CCDC178: variants seen among roughly 807,000 people sequenced by gnomAD.
The protein encoded by CCDC178 is coiled-coil domain-containing protein 178.
A neutral mutation model predicts 117.4 loss-of-function variants in CCDC178; 126 were observed. The ratio of observed to expected loss-of-function variants is 1.07; its 90% CI spans 0.93 to 1.24. CCDC178 has a LOEUF of 1.24. Among genes scored for constraint, CCDC178 ranks in the 50% most tolerant of loss-of-function variants. The pLI is 0.00. For synonymous variants in CCDC178, 283 were observed against 313.4 expected, an observed-to-expected ratio of 0.90 and a Z score of 1.02; for missense variants, 1,030 against 986.9, an observed-to-expected ratio of 1.04 and a Z score of -0.59.
chr18:33,149,550 C>A (rs1184384307), intron 20 of CCDC178, among the ~76,000 whole-genome samples: 3 of 152,146 alleles, frequency 2.0e-5, no homozygotes, highest in Non-Finnish European at 2.9e-5. Context: ...GATACTCTGA[C>A]CTTTGCCTCA....
chr18:32,996,882 T>C (rs2055522155), intron 21 of CCDC178, among the ~76,000 whole-genome samples: 1 of 152,050 alleles, frequency 6.6e-6, no homozygotes, highest in Non-Finnish European at 1.5e-5. Flanking sequence ...GAAAAAAGAA[T>C]ACCTCAACAG....
At chr18:33,289,757 A>G (rs767701097) in intron 12 of CCDC178, among the ~76,000 whole-genome samples, 14 of 152,226 alleles carry the variant, frequency 9.2e-5, no homozygotes, top group Non-Finnish European at 1.9e-4. Flanking sequence ...TTATTGTGTA[A>G]ATTAATAATA....
intron 21 of CCDC178, among the ~76,000 whole-genome samples, chr18:32,991,473 G>C (rs1000844272): frequency 1.7e-4 from 26 of 152,160 alleles, no homozygotes; most frequent in Non-Finnish European, 2.2e-4. Flanking sequence ...AGTCTGTGGA[G>C]GCGCAGACTT....
chr18:32,980,525 C>G (rs1410162196), intron 21 of CCDC178, among the ~76,000 whole-genome samples: 1 of 129,882 alleles, frequency 7.7e-6, no homozygotes, highest in East Asian at 2.5e-4. Context: ...GAGCGGAGAT[C>G]GCGCCACAGC....
rs532952401 is a variant in CCDC178, at chr18:33,255,169, C to T, written c.1410-9741G>A. Among the ~76,000 whole-genome samples, 125 of 152,144 alleles carry T rather than the reference C, an allele frequency of 8.2e-4. 1 individual carries two copies. Among genetic ancestry groups the T allele is most frequent in the African/African-American group, 2.9e-3 (120 of 41,542 alleles). ...TTCTCCAGCATGTTCTGATGCAGCA[C>T]GAAAGCCCTAGCCAGGATGGGGTCA... is the stretch of plus-strand genomic sequence containing the variant. On this transcript the variant is annotated intron_variant, in intron 14 of 22. Transcript: ENST00000383096.
intron 21 of CCDC178, among the ~76,000 whole-genome samples, chr18:32,981,856 A>G (rs2055160341): frequency 6.6e-6 from 1 of 152,170 alleles, no homozygotes; most frequent in Non-Finnish European, 1.5e-5. Context: ...CAATTAACAC[A>G]GTTGTTGGTT....
chr18:33,414,595 C>T (rs985638312), intron 2 of CCDC178, among the ~76,000 whole-genome samples: 2 of 152,174 alleles, frequency 1.3e-5, no homozygotes, highest in Non-Finnish European at 2.9e-5. Flanking sequence ...ACCATAAAAA[C>T]CCTAGAAGAA....
In CCDC178 at chr18:32,976,523, T is replaced by C. The variant is rs574904007; in HGVS notation, c.2389-1842A>G. On this transcript the variant is annotated intron_variant, in intron 21 of 22. Transcript: ENST00000383096. ...AACAATAAGATGCAGAGCACATGTA[T>C]ATTTAAATTAGATATTACTTCAATT... Among the ~76,000 whole-genome samples, 8 of 152,238 alleles carry C rather than the reference T, an allele frequency of 5.3e-5. No individual in the cohort carries two copies. In the East Asian group the frequency reaches 1.2e-3, roughly 22 times the overall value.
chr18:33,130,844 T>C (rs1290245098), intron 20 of CCDC178, among the ~76,000 whole-genome samples: 2 of 151,998 alleles, frequency 1.3e-5, no homozygotes, highest in Non-Finnish European at 2.9e-5. Context: ...CTAGACAAAC[T>C]GTGTATTTCC....
intron 21 of CCDC178, among the ~76,000 whole-genome samples, chr18:33,048,120 C>T (rs1053183068): frequency 6.6e-6 from 1 of 152,092 alleles, no homozygotes; most frequent in Non-Finnish European, 1.5e-5. Flanking sequence ...AATTACAAGC[C>T]AAGGAACACC....
chr18:33,215,578 T>G lies in CCDC178; in HGVS notation c.2050A>C (p.Ser684Arg), dbSNP rs774108139. The G allele has an allele frequency of 1.9e-5, 28 of 1,469,206 alleles. No homozygotes were observed. The highest frequency in any genetic ancestry group is 2.7e-5 in the South Asian group (2 of 74,154). The allele number at this position is 1,469,206 out of a possible 1,614,324, so 91.0% of individuals were successfully genotyped here. ...ELKAKEEEKK[S>R]FDQTLEILKN... is the part of the protein sequence containing the mutation. ...AATATTTCAAGTGTCTGATCAAAAC[T>G]TTTCTTTTCTTCTTCTTTTGCTTTT... Residue 684 changes from serine to arginine, a missense_variant, in exon 19 of 23, where the codon AGT becomes CGT. Transcript: ENST00000383096.
intron 3 of CCDC178, among the ~76,000 whole-genome samples, chr18:33,408,098 G>A (rs1003826217): frequency 6.6e-6 from 1 of 151,736 alleles, no homozygotes; most frequent in South Asian, 2.1e-4. Flanking sequence ...TTTAAAAGTT[G>A]TAAATCCATG....
chr18:33,064,976 G>A (rs2056986206), intron 21 of CCDC178, among the ~76,000 whole-genome samples: 1 of 150,180 alleles, frequency 6.7e-6, no homozygotes, highest in South Asian at 2.1e-4. Context: ...AAGTGAATAA[G>A]CCATACACAG....
intron 5 of CCDC178, among the ~76,000 whole-genome samples, chr18:33,385,345 T>C (rs918791691): frequency 1.3e-5 from 2 of 152,178 alleles, no homozygotes; most frequent in Non-Finnish European, 2.9e-5. Flanking sequence ...GGACTTGAAC[T>C]CAGCTCTAGA....
At chr18:33,429,612 T>C (rs2064177830) in intron 2 of CCDC178, among the ~76,000 whole-genome samples, 1 of 152,208 alleles carries the variant, frequency 6.6e-6, no homozygotes, top group Non-Finnish European at 1.5e-5. Context: ...ATATAAATAT[T>C]ACACATTCGT....
At chr18:33,108,682 T>A (rs868490085) in intron 20 of CCDC178, among the ~76,000 whole-genome samples, 3 of 151,800 alleles carry the variant, frequency 2.0e-5, no homozygotes, top group Non-Finnish European at 4.4e-5. Flanking sequence ...CCATCACAAT[T>A]AAATATAGCT....
At chr18:33,083,455 A>C (rs2057329173) in intron 21 of CCDC178, among the ~76,000 whole-genome samples, 1 of 152,238 alleles carries the variant, frequency 6.6e-6, no homozygotes, top group South Asian at 2.1e-4. Flanking sequence ...TGTCAATTTC[A>C]GTGCTTCCTC....
chr18:33,090,509 G>C (rs896381040), intron 21 of CCDC178, among the ~76,000 whole-genome samples: 13 of 152,160 alleles, frequency 8.5e-5, no homozygotes, highest in Non-Finnish European at 1.5e-4. Flanking sequence ...CATGGGAAAT[G>C]CTGCAATATC....
At position 32,937,774 on chromosome 18, in the gene CCDC178, A is replaced by G; in HGVS notation, c.*237T>C. The G allele has an allele frequency of 2.2e-6, 1 of 460,334 alleles. No individual in the cohort carries two copies. Among genetic ancestry groups the G allele is most frequent in the Non-Finnish European group, 3.9e-6 (1 of 257,302 alleles). The allele number at this position is 460,334 out of a possible 1,614,324, so 28.5% of individuals were successfully genotyped here. On this transcript the variant is annotated 3_prime_UTR_variant, in exon 23 of 23. Transcript: ENST00000383096. ...ATCAGATGAGGCAAAGCCAATTGCA[A>G]TCAGTCACCCAGAGCTGAAATTAGA...
Sources: allele counts gnomAD v4.1 joint callset (sites outside exome capture counted in the v4.1 genomes callset), GRCh38; gene constraint gnomAD v4.1.1; transcripts MANE v1.5; gene names NCBI Gene and HGNC (gene_info 2026-07-23, HGNC 2026-07-21).